Variants in RYK observed in about 807,000 individuals in gnomAD.
The protein encoded by RYK is inactive tyrosine-protein kinase RYK.
A neutral mutation model predicts 70.2 loss-of-function variants in RYK; 21 were observed. The ratio of observed to expected loss-of-function variants is 0.30; its 90% CI spans 0.21 to 0.43. The LOEUF (loss-of-function observed/expected upper bound fraction) is 0.43. Ranked by LOEUF, RYK falls within the 20% of genes least tolerant of loss-of-function variation. The probability of loss-of-function intolerance (pLI) is 1.00; values close to 1 mark genes in which losing one functional copy is unlikely to be tolerated. For missense variants in RYK, 604 were observed against 753.3 expected (o/e 0.80, Z 2.32); for synonymous variants, 267 against 278.0 (o/e 0.96, Z 0.39).
intron 4 of RYK, 112 bp downstream of exon 4, chr3:134,209,583 T>C: frequency 2.6e-6 from 2 of 780,102 alleles, no homozygotes; most frequent in Non-Finnish European, 3.8e-6. Flanking sequence ...CTTTTCTCAC[T>C]TGCAACTATA....
intron 1 of RYK, among the ~76,000 whole-genome samples, chr3:134,244,956 C>A (rs2015423474): frequency 6.6e-6 from 1 of 152,164 alleles, no homozygotes; most frequent in Admixed American, 6.6e-5. Context: ...AGGGAGAAAG[C>A]AGTATCCATA....
intron 4 of RYK, among the ~76,000 whole-genome samples, chr3:134,209,423 C>G (rs1004304891): frequency 3.3e-5 from 5 of 152,168 alleles, no homozygotes; most frequent in Non-Finnish European, 5.9e-5. Flanking sequence ...TATTTCTTTA[C>G]CTCTTCAACC....
At chr3:134,160,465 A>G (rs2012422557) in intron 13 of RYK, among the ~76,000 whole-genome samples, 1 of 152,162 alleles carries the variant, frequency 6.6e-6, no homozygotes, top group Admixed American at 6.5e-5. Flanking sequence ...AAATCCCAAA[A>G]TACTTTGTAA....
intron 1 of RYK, among the ~76,000 whole-genome samples, chr3:134,225,681 C>A (rs72986424): frequency 2.0e-5 from 3 of 152,060 alleles, no homozygotes; most frequent in Non-Finnish European, 4.4e-5. Flanking sequence ...CAGCAACAAC[C>A]CATCTCTATA....
At chr3:134,221,087 A>C (rs1196225804) in intron 2 of RYK, among the ~76,000 whole-genome samples, 1 of 152,104 alleles carries the variant, frequency 6.6e-6, no homozygotes, top group Non-Finnish European at 1.5e-5. Flanking sequence ...CATGTCTAAA[A>C]ATCCCTTTTT....
intron 2 of RYK, among the ~76,000 whole-genome samples, chr3:134,219,268 G>C (rs1171258973): frequency 6.6e-6 from 1 of 152,058 alleles, no homozygotes; most frequent in Non-Finnish European, 1.5e-5. Context: ...AGGCTCCTAA[G>C]ACTCAGACAC....
intron 4 of RYK, among the ~76,000 whole-genome samples, chr3:134,207,950 T>C (rs571072004): frequency 2.0e-5 from 3 of 152,314 alleles, no homozygotes; most frequent in Non-Finnish European, 4.4e-5. Context: ...ATGTTTTCTG[T>C]TGCAGACAGT....
At chr3:134,238,980 T>C (rs1409078647) in intron 1 of RYK, among the ~76,000 whole-genome samples, 1 of 152,126 alleles carries the variant, frequency 6.6e-6, no homozygotes, top group Non-Finnish European at 1.5e-5. Flanking sequence ...CAACAGTCTA[T>C]TGAGAGACTG....
In RYK at chr3:134,193,206, C is replaced by T. The variant is rs539975417; in HGVS notation, c.890-1232G>A. 9.5e-5 allele frequency among the ~76,000 whole-genome samples: 14 copies of T among 148,028 alleles called. No homozygotes were observed. The South Asian group carries it at 1.5e-3, about 16-fold the overall frequency. ...CCTTGACTTTTTTTTTTTTTTGAGACGGAGTCTCACTCTGTTGCCTAGGCT... is the reference window on the plus strand; with the variant it reads ...CCTTGACTTTTTTTTTTTTTTGAGATGGAGTCTCACTCTGTTGCCTAGGCT... On this transcript the variant is annotated intron_variant, in intron 7 of 14. Coordinates refer to ENST00000623711, the MANE Select transcript of RYK (RefSeq NM_002958.4).
At chr3:134,202,547 AAAAAAT>A (rs1339742817) in intron 6 of RYK, 177 bp downstream of exon 6, 4 of 526,916 alleles carry the variant, frequency 7.6e-6, no homozygotes, top group East Asian at 3.4e-5. Context: ...CTTAATTTTT[AAAAAAT>A]AAAAATAAAA....
intron 1 of RYK, among the ~76,000 whole-genome samples, chr3:134,226,362 T>C (rs1233720473): frequency 6.6e-6 from 1 of 152,066 alleles, no homozygotes; most frequent in Non-Finnish European, 1.5e-5. Flanking sequence ...TAAAAACCTA[T>C]CCCAAAAGAA....
intron 13 of RYK, among the ~76,000 whole-genome samples, chr3:134,162,779 AG>A (rs35620349): frequency 0.086 from 13,093 of 152,200 alleles, 1,155 homozygotes; most frequent in South Asian, 0.32. Flanking sequence ...TAGAGAAGGT[AG>A]TTCCCTGCAC....
At chr3:134,202,946 A>AT in intron 5 of RYK, 72 bp from the exon 6 acceptor site, 1 of 1,257,834 alleles carries the variant, frequency 8.0e-7, no homozygotes, top group Non-Finnish European at 1.1e-6. Flanking sequence ...ATATACATAA[A>AT]TAAGTATTCT....
At chr3:134,203,281 G>A (rs1033849076) in intron 5 of RYK, among the ~76,000 whole-genome samples, 1 of 152,216 alleles carries the variant, frequency 6.6e-6, no homozygotes, top group Non-Finnish European at 1.5e-5. Flanking sequence ...CTGGGAGGCA[G>A]AGGTTGCAGT....
intron 1 of RYK, among the ~76,000 whole-genome samples, chr3:134,249,917 G>GTTTTTTTTTTTTTTTTTTTTTTT (rs71624038): frequency 7.5e-5 from 7 of 93,336 alleles, no homozygotes; most frequent in African/African-American, 3.7e-4. Flanking sequence ...TTTCTCTCTC[G>GTTTTTTTTTTTTTTTTTTTTTTT]TTTTTTTTTT....
intron 6 of RYK, among the ~76,000 whole-genome samples, chr3:134,198,009 A>T (rs2013867672): frequency 6.6e-6 from 1 of 151,816 alleles, no homozygotes; most frequent in African/African-American, 2.4e-5. Context: ...TCAGAACGAA[A>T]TTTTTTTTTG....
At position 134,207,556 on chromosome 3, in the gene RYK, G is replaced by C. The variant is rs1168537692; in HGVS notation, c.590-31C>G. The C allele has an allele frequency of 6.3e-6, 9 of 1,426,732 alleles. No homozygotes were observed. The South Asian group carries it at 1.2e-4, about 19-fold the overall frequency. The allele number at this position is 1,426,732 out of a possible 1,614,324, so 88.4% of individuals were successfully genotyped here. A position where few individuals can be genotyped will look rare whatever the true frequency, so the allele number is the denominator to read the frequency against. On this transcript the variant is annotated intron_variant, in intron 4 of 14. Coordinates refer to ENST00000623711, the MANE Select transcript of RYK (RefSeq NM_002958.4). Reference sequence around the variant, plus strand: ...TTTAAAGGAGAAAAATGATGCTTTAGAAATTCTCTTTTCCATGAAAATCCT... The same window carrying C: ...TTTAAAGGAGAAAAATGATGCTTTACAAATTCTCTTTTCCATGAAAATCCT...
chr3:134,175,388 A>G (rs183418085), intron 13 of RYK, among the ~76,000 whole-genome samples: 19 of 151,522 alleles, frequency 1.3e-4, no homozygotes, highest in East Asian at 3.9e-4. Flanking sequence ...CAGTACTGTG[A>G]GGATGAAATG....
At chr3:134,207,314 T>C (rs1427409815) in intron 5 of RYK, among the ~76,000 whole-genome samples, 158 bp downstream of exon 5, 1 of 152,240 alleles carries the variant, frequency 6.6e-6, no homozygotes, top group Non-Finnish European at 1.5e-5. Context: ...AACAGTTTCA[T>C]GACCTATCCA....
Sources: gnomAD v4.1 joint callset for allele counts (sites outside exome capture counted in the v4.1 genomes callset) on GRCh38, gnomAD v4.1.1 for gene constraint, MANE v1.5 for transcripts, NCBI Gene and HGNC (gene_info 2026-07-23, HGNC 2026-07-21) for gene names.